Variants in ERC1 observed in about 807,000 individuals in gnomAD.
The protein encoded by ERC1 is ELKS/RAB6-interacting/CAST family member 1.
Under a neutral mutation model 132.0 loss-of-function variants are expected in ERC1, and 56 were observed. The ratio of observed to expected loss-of-function variants is 0.42; its 90% CI spans 0.34 to 0.53. ERC1 has a LOEUF of 0.53. ERC1 is among the 20% of genes least tolerant of loss of function. The pLI, the probability that ERC1 is intolerant of heterozygous loss-of-function variation, is 0.03. For synonymous variants in ERC1, 478 were observed against 476.1 expected (o/e 1.00, Z -0.05); for missense variants, 1,202 against 1,349.9 (o/e 0.89, Z 1.72).
At chr12:1,449,093 G>A (rs2093368745) in intron 18 of ERC1, among the ~76,000 whole-genome samples, 1 of 152,338 alleles carries the variant, frequency 6.6e-6, no homozygotes, top group African/African-American at 2.4e-5. Flanking sequence ...CCTGGGGCCT[G>A]TAGTCTCTTC....
intron 14 of ERC1, among the ~76,000 whole-genome samples, chr12:1,270,545 G>GGGGT (rs2077765169): frequency 6.6e-6 from 1 of 151,880 alleles, no homozygotes; most frequent in Admixed American, 6.6e-5. Flanking sequence ...ATATTAACAA[G>GGGGT]GGGTATCTAA....
intron 8 of ERC1, among the ~76,000 whole-genome samples, chr12:1,151,000 G>C (rs1593739150): frequency 6.6e-6 from 1 of 152,178 alleles, no homozygotes; most frequent in African/African-American, 2.4e-5. Flanking sequence ...ACTAATGTAA[G>C]ATGTTAACAG....
intron 2 of ERC1, among the ~76,000 whole-genome samples, chr12:1,036,275 CATT>C (rs1969059745): frequency 2.7e-5 from 4 of 147,838 alleles, no homozygotes; most frequent in African/African-American, 7.5e-5. Context: ...TTTTTTTTCT[CATT>C]ATTTGGAGAC....
intron 2 of ERC1, among the ~76,000 whole-genome samples, chr12:1,079,298 G>A (rs1941857069): frequency 6.6e-6 from 1 of 150,420 alleles, no homozygotes; most frequent in Admixed American, 6.6e-5. Flanking sequence ...TCGATATACA[G>A]AGATACAGAT....
At chr12:1,073,933 C>A in intron 2 of ERC1, among the ~76,000 whole-genome samples, 1 of 121,864 alleles carries the variant, frequency 8.2e-6, no homozygotes. Context: ...GTGGCATGAT[C>A]TCCACTCACT....
intron 15 of ERC1, among the ~76,000 whole-genome samples, chr12:1,366,988 C>T (rs573343662): frequency 1.4e-4 from 21 of 152,288 alleles, no homozygotes; most frequent in Non-Finnish European, 2.5e-4. Context: ...CACAGAGGCT[C>T]TCCCATGGAC....
intron 14 of ERC1, among the ~76,000 whole-genome samples, chr12:1,282,922 G>A (rs538268306): frequency 7.9e-5 from 12 of 152,072 alleles, no homozygotes; most frequent in Admixed American, 5.9e-4. Flanking sequence ...GGAGACTTAC[G>A]CCTTTTACTC....
chr12:1,027,537 A>G (rs1967100681), intron 1 of ERC1: 1 of 202,044 alleles, frequency 4.9e-6, no homozygotes, highest in Non-Finnish European at 1.0e-5. Flanking sequence ...TTCCAGTTGC[A>G]TGGTATGTTT....
intron 12 of ERC1, among the ~76,000 whole-genome samples, chr12:1,196,029 A>T (rs991578551): frequency 8.6e-5 from 13 of 152,008 alleles, no homozygotes; most frequent in African/African-American, 2.9e-4. Context: ...TACCTTCCAA[A>T]TCAAAAAATA....
chr12:1,407,709 A>G (rs929348603), intron 16 of ERC1, among the ~76,000 whole-genome samples: 1 of 152,186 alleles, frequency 6.6e-6, no homozygotes, highest in African/African-American at 2.4e-5. Flanking sequence ...GGAGAAATCA[A>G]GGTAGTGTTT....
At chr12:1,140,474 C>G (rs192320084) in intron 7 of ERC1, among the ~76,000 whole-genome samples, 3 of 152,244 alleles carry the variant, frequency 2.0e-5, no homozygotes, top group Admixed American at 6.5e-5. Flanking sequence ...TTGAGCATTT[C>G]CTTTAAGTGT....
At chr12:1,124,788 A>C (rs947260969) in intron 7 of ERC1, among the ~76,000 whole-genome samples, 1 of 152,132 alleles carries the variant, frequency 6.6e-6, no homozygotes. Context: ...ATATAAGACA[A>C]CTCTAAACAA....
At chr12:1,393,333 G>A (rs1378823179) in intron 16 of ERC1, among the ~76,000 whole-genome samples, 1 of 152,126 alleles carries the variant, frequency 6.6e-6, no homozygotes, top group Non-Finnish European at 1.5e-5. Flanking sequence ...AGTTAGTGAC[G>A]AGCCTGAGCA....
At chr12:1,084,589 G>A (rs35562585) in intron 3 of ERC1, among the ~76,000 whole-genome samples, 28,782 of 151,808 alleles carry the variant, frequency 0.19, 3,462 homozygotes, top group Non-Finnish European at 0.25. Context: ...TAGTAAAATT[G>A]GGAAATAGAT....
intron 2 of ERC1, among the ~76,000 whole-genome samples, chr12:1,036,462 C>T (rs1289373249): frequency 3.3e-5 from 5 of 151,708 alleles, no homozygotes; most frequent in Admixed American, 3.3e-4. Context: ...GCAGCCTCCA[C>T]CTCCCAGGTT....
At chr12:1,288,773 T>C (rs1350771566) in intron 14 of ERC1, among the ~76,000 whole-genome samples, 3 of 152,220 alleles carry the variant, frequency 2.0e-5, no homozygotes, top group Non-Finnish European at 4.4e-5. Context: ...ACCAAGATTA[T>C]TTCTTGGCAA....
intron 15 of ERC1, among the ~76,000 whole-genome samples, chr12:1,333,207 GT>G (rs2083018299): frequency 6.6e-6 from 1 of 150,516 alleles, no homozygotes; most frequent in Non-Finnish European, 1.5e-5. Flanking sequence ...GTGGTATTTG[GT>G]TTTCTGTTCC....
intron 1 of ERC1, among the ~76,000 whole-genome samples, chr12:993,375 T>A (rs1400679481): frequency 1.3e-5 from 2 of 152,248 alleles, no homozygotes; most frequent in African/African-American, 4.8e-5. Context: ...CTTGTCCTTG[T>A]AGGAATGAAA....
In ERC1 at chr12:1,491,824, C is replaced by T. The variant is rs2094321312; in HGVS notation, c.*1594C>T. ...GGCATTGTTAAGGACGTAGCGTAGA[C>T]AACAGCAGTCATAAATAATTAGGCA... On this transcript the variant is annotated 3_prime_UTR_variant, in exon 19 of 19. Transcript: ENST00000360905. 4.3e-6 allele frequency: 1 copy of T among 232,460 alleles called. No homozygotes were observed. Among genetic ancestry groups the T allele is most frequent in the Non-Finnish European group, 8.5e-6 (1 of 117,572 alleles). The allele number at this position is 232,460 out of a possible 1,614,324, so 14.4% of individuals were successfully genotyped here.
Sources: gnomAD v4.1 joint callset for allele counts (sites outside exome capture counted in the v4.1 genomes callset) on GRCh38, gnomAD v4.1.1 for gene constraint, MANE v1.5 for transcripts, NCBI Gene and HGNC (gene_info 2026-07-23, HGNC 2026-07-21) for gene names.